Variants in MYO16 observed in about 807,000 individuals in gnomAD.
MYO16 encodes unconventional myosin-XVI.
MYO16 carries 94 observed loss-of-function variants against 205.3 expected under a neutral mutation model. That is an observed-to-expected ratio of 0.46 (90% CI 0.39 to 0.54). MYO16 has a LOEUF of 0.54. MYO16 is among the 20% of genes least tolerant of loss of function. The pLI is 0.00. For synonymous variants in MYO16, 988 were observed against 954.0 expected, an observed-to-expected ratio of 1.04 and a Z score of -0.66; for missense variants, 2,315 against 2,387.5, an observed-to-expected ratio of 0.97 and a Z score of 0.63.
intron 20 of MYO16, among the ~76,000 whole-genome samples, chr13:108,988,084 C>T (rs1259844749): frequency 1.3e-5 from 2 of 152,166 alleles, no homozygotes; most frequent in Non-Finnish European, 2.9e-5. Flanking sequence ...AACAGATCAT[C>T]TAATTCATAT....
intron 21 of MYO16, among the ~76,000 whole-genome samples, chr13:108,999,948 A>C (rs138545467): frequency 2.5e-4 from 38 of 152,278 alleles, no homozygotes; most frequent in Non-Finnish European, 4.3e-4. Context: ...CGTAAATTTT[A>C]TGTGCCATTG....
intron 16 of MYO16, among the ~76,000 whole-genome samples, chr13:108,929,703 A>G (rs1326622718): frequency 6.6e-6 from 1 of 152,186 alleles, no homozygotes; most frequent in African/African-American, 2.4e-5. Context: ...CCTGCCTTCC[A>G]TGGGAGGACC....
chr13:109,112,445 T>C (rs1352614319), intron 28 of MYO16, among the ~76,000 whole-genome samples: 1 of 152,132 alleles, frequency 6.6e-6, no homozygotes, highest in Non-Finnish European at 1.5e-5. Flanking sequence ...TTTAAATAAG[T>C]TGAAAATATT....
chr13:108,722,652 T>C (rs994111915), intron 3 of MYO16, among the ~76,000 whole-genome samples: 1 of 152,204 alleles, frequency 6.6e-6, no homozygotes, highest in Non-Finnish European at 1.5e-5. Flanking sequence ...CACATCTTTA[T>C]TGATTATACG....
Position 109,046,951 on chromosome 13 carries a change from TAA to T in MYO16, c.2834_2835del (p.Lys945ArgfsTer14). The stretch of plus-strand genomic sequence containing the variant: ...ATGTTGTTGGGGCGATTGAAAAAAA[TAA>T]AGACTCCCTTTCACAGAATCTTCTA... ...YDVVGAIEKN[K>X]DSLSQNLLFV... On this transcript the variant is annotated frameshift_variant, in exon 24 of 35. Coordinates refer to ENST00000457511, the MANE Select transcript of MYO16 (RefSeq NM_001198950.3). LOFTEE classifies it high-confidence loss of function. 6.2e-7 allele frequency: 1 copy of T among 1,612,204 alleles called. No homozygotes were observed. The highest frequency in any genetic ancestry group is 8.5e-7 in the Non-Finnish European group (1 of 1,178,420).
At chr13:108,681,906 T>C (rs144871202) in intron 2 of MYO16, among the ~76,000 whole-genome samples, 162 of 152,340 alleles carry the variant, frequency 1.1e-3, no homozygotes, top group African/African-American at 3.7e-3. Context: ...TTTCTCTATG[T>C]TATACTCCAT....
At chr13:108,848,981 G>C (rs925110069) in intron 10 of MYO16, among the ~76,000 whole-genome samples, 2 of 105,208 alleles carry the variant, frequency 1.9e-5, no homozygotes, top group Non-Finnish European at 4.3e-5. Context: ...CAGATCTGCA[G>C]CCAGGGAAAG....
intron 2 of MYO16, among the ~76,000 whole-genome samples, chr13:108,709,868 G>A (rs1030718894): frequency 1.5e-5 from 2 of 134,138 alleles, no homozygotes; most frequent in East Asian, 4.3e-4. Flanking sequence ...AGTTAATATC[G>A]AGTCTGTGGT....
chr13:108,932,862 T>A (rs1231253318), intron 16 of MYO16, among the ~76,000 whole-genome samples: 1 of 152,154 alleles, frequency 6.6e-6, no homozygotes, highest in Non-Finnish European at 1.5e-5. Flanking sequence ...ACACTGAGAA[T>A]CAGGTGGCAG....
intron 1 of MYO16, among the ~76,000 whole-genome samples, chr13:108,663,842 G>A (rs922212640): frequency 1.3e-5 from 2 of 151,498 alleles, no homozygotes; most frequent in Non-Finnish European, 2.9e-5. Context: ...GCTTTTTTTT[G>A]TGGCCCTGTT....
intron 32 of MYO16, among the ~76,000 whole-genome samples, chr13:109,151,706 A>G (rs1044590693): frequency 6.6e-6 from 1 of 152,206 alleles, no homozygotes; most frequent in Non-Finnish European, 1.5e-5. Flanking sequence ...TATGTTTTGG[A>G]TTTTGGCTTT....
chr13:108,637,906 A>C (rs1880331562), intron 1 of MYO16, among the ~76,000 whole-genome samples: 2 of 152,122 alleles, frequency 1.3e-5, no homozygotes, highest in Admixed American at 1.3e-4. Context: ...ATAAAGATAC[A>C]AAGACGAACA....
intron 1 of MYO16, among the ~76,000 whole-genome samples, chr13:108,661,843 T>G (rs774144664): frequency 1.1e-4 from 16 of 152,158 alleles, no homozygotes; most frequent in South Asian, 2.1e-4. Flanking sequence ...GTGATTTTTT[T>G]GGGATGTTGA....
At chr13:109,060,706 G>A (rs1459089705) in intron 27 of MYO16, among the ~76,000 whole-genome samples, 1 of 152,126 alleles carries the variant, frequency 6.6e-6, no homozygotes, top group Non-Finnish European at 1.5e-5. Flanking sequence ...CATTTATATA[G>A]CAAAGGGAGG....
chr13:108,625,196 T>G (rs140433288), upstream of MYO16, among the ~76,000 whole-genome samples: 5 of 152,238 alleles, frequency 3.3e-5, no homozygotes, highest in East Asian at 9.7e-4. Flanking sequence ...GTTGGAGAAA[T>G]GTGAGACTAC....
At chr13:109,145,857 G>C (rs936427929) in intron 32 of MYO16, among the ~76,000 whole-genome samples, 2 of 152,158 alleles carry the variant, frequency 1.3e-5, no homozygotes, top group African/African-American at 4.8e-5. Flanking sequence ...GGAAGACAGG[G>C]TCTTGACAAA....
chr13:108,778,749 G>T (rs1463765704), intron 4 of MYO16, among the ~76,000 whole-genome samples: 8 of 152,140 alleles, frequency 5.3e-5, no homozygotes, highest in Admixed American at 2.0e-4. Flanking sequence ...TGAATTCACT[G>T]GACATGGTAC....
chr13:108,650,499 G>A (rs1213458018), intron 1 of MYO16, among the ~76,000 whole-genome samples: 3 of 152,134 alleles, frequency 2.0e-5, no homozygotes. Context: ...CTTCCAACCG[G>A]AATTGAAGAT....
chr13:108,912,320 CA>C (rs894302267), intron 16 of MYO16, among the ~76,000 whole-genome samples: 7 of 152,086 alleles, frequency 4.6e-5, no homozygotes, highest in African/African-American at 1.7e-4. Context: ...AGAAAGTAGT[CA>C]GGAAGTGTAA....
Sources: gnomAD v4.1 joint callset for allele counts (sites outside exome capture counted in the v4.1 genomes callset) on GRCh38, gnomAD v4.1.1 for gene constraint, MANE v1.5 for transcripts, NCBI Gene and HGNC (gene_info 2026-07-23, HGNC 2026-07-21) for gene names.